METTL15: variants seen among roughly 807,000 people sequenced by gnomAD.
METTL15 encodes methyltransferase 15, mitochondrial 12S rRNA N4-cytidine, also known as 12S rRNA N(4)-cytidine methyltransferase METTL15.
Under a neutral mutation model 38.3 loss-of-function variants are expected in METTL15, and 34 were observed. The observed-to-expected ratio is 0.89, with a 90% CI of 0.68 to 1.18. The LOEUF (loss-of-function observed/expected upper bound fraction) is 1.18, where lower values mean the gene tolerates loss of function less well. Among genes scored for constraint, METTL15 ranks in the 50% most tolerant of loss-of-function variants. The probability of loss-of-function intolerance (pLI) is 0.00; values close to 1 mark genes in which losing one functional copy is unlikely to be tolerated. For missense variants in METTL15, 438 were observed against 498.4 expected (o/e 0.88, Z 1.15); for synonymous variants, 162 against 170.9 (o/e 0.95, Z 0.41).
At chr11:28,223,060 T>G (rs1190184627) in intron 4 of METTL15, among the ~76,000 whole-genome samples, 1 of 152,132 alleles carries the variant, frequency 6.6e-6, no homozygotes, top group Admixed American at 6.6e-5. Context: ...CTATTTTGGG[T>G]GGACATCTTT....
intron 3 of METTL15, among the ~76,000 whole-genome samples, chr11:28,174,513 T>G (rs1009821480): frequency 5.9e-5 from 9 of 152,160 alleles, no homozygotes; most frequent in African/African-American, 1.9e-4. Flanking sequence ...CAGACATATT[T>G]TTTTAAGATC....
intron 3 of METTL15, among the ~76,000 whole-genome samples, chr11:28,169,801 A>C (rs547494733): frequency 1.4e-5 from 2 of 140,712 alleles, no homozygotes; most frequent in Non-Finnish European, 3.1e-5. Flanking sequence ...TCAAAACCTA[A>C]TGCAAACTCC....
chr11:28,123,734 A>T lies in METTL15; in HGVS notation c.270+10130A>T, dbSNP rs115515571. On this transcript the variant is annotated intron_variant, in intron 3 of 6. Transcript: ENST00000407364. ...TGTCATTTTATCAAATTACATGCTA[A>T]TTTAGGCATATATTTTTTATCTTTG... 5.1e-3 allele frequency: 2,685 copies of T among 522,586 alleles called. 67 individuals carry two copies. Among genetic ancestry groups the T allele is most frequent in the African/African-American group, 0.046 (2,332 of 50,856 alleles). The allele number at this position is 522,586 out of a possible 1,614,324, so 32.4% of individuals were successfully genotyped here.
chr11:28,162,471 A>G (rs2133745212), intron 3 of METTL15, among the ~76,000 whole-genome samples: 1 of 152,274 alleles, frequency 6.6e-6, no homozygotes, highest in East Asian at 1.9e-4. Context: ...ATGTGTTTTC[A>G]TGAGACTTTC....
intron 6 of METTL15, among the ~76,000 whole-genome samples, chr11:28,510,278 G>A (rs755801103): frequency 2.5e-4 from 38 of 152,154 alleles, no homozygotes; most frequent in Non-Finnish European, 4.9e-4. Context: ...CACAGTACTA[G>A]ATACCATAAA....
chr11:28,366,837 C>T (rs973958201), intron 5 of METTL15, among the ~76,000 whole-genome samples: 2 of 152,110 alleles, frequency 1.3e-5, no homozygotes, highest in African/African-American at 2.4e-5. Flanking sequence ...CATCATTCCT[C>T]CCCAGAGACC....
At chr11:28,488,565 A>T (rs1175027619) in intron 6 of METTL15, among the ~76,000 whole-genome samples, 1 of 152,172 alleles carries the variant, frequency 6.6e-6, no homozygotes, top group African/African-American at 2.4e-5. Flanking sequence ...TACATTGCTT[A>T]TCCTAGTGAA....
chr11:28,516,947 A>C (rs1190056675), intron 6 of METTL15: 1 of 152,260 alleles, frequency 6.6e-6, no homozygotes, highest in Non-Finnish European at 1.5e-5. Context: ...AAATATTAGA[A>C]CTTGAAGCTG....
At chr11:28,369,325 G>C (rs1440536641) in intron 5 of METTL15, among the ~76,000 whole-genome samples, 1 of 151,990 alleles carries the variant, frequency 6.6e-6, no homozygotes. Flanking sequence ...AAGTGGACCA[G>C]TATTGCATTA....
chr11:28,355,762 G>A (rs546899161), intron 4 of METTL15, among the ~76,000 whole-genome samples: 21 of 152,026 alleles, frequency 1.4e-4, no homozygotes, highest in Non-Finnish European at 2.4e-4. Context: ...CCAGGGGAGG[G>A]GGTGGTGGTA....
chr11:28,328,110 A>G (rs371760935), intron 6 of METTL15: 4 of 1,611,666 alleles, frequency 2.5e-6, no homozygotes, highest in Admixed American at 1.7e-5. Context: ...TCTGAAACAT[A>G]TTTCCCAGTG....
intron 5 of METTL15, among the ~76,000 whole-genome samples, chr11:28,391,560 A>T (rs1367787353): frequency 6.6e-6 from 1 of 152,152 alleles, no homozygotes; most frequent in African/African-American, 2.4e-5. Context: ...CCTGACTTCA[A>T]ATTGTACTAC....
chr11:28,367,233 GT>G (rs1347780834), intron 5 of METTL15, among the ~76,000 whole-genome samples: 1 of 150,152 alleles, frequency 6.7e-6, no homozygotes, highest in East Asian at 1.9e-4. Flanking sequence ...TAGGCAGCTT[GT>G]TGCTACATCT....
At chr11:28,353,686 G>A (rs1850061532) in intron 4 of METTL15, among the ~76,000 whole-genome samples, 1 of 152,076 alleles carries the variant, frequency 6.6e-6, no homozygotes, top group Non-Finnish European at 1.5e-5. Context: ...AGCACTTTGG[G>A]AGGCCGAGGC....
At chr11:28,217,132 G>A (rs1000786501) in intron 4 of METTL15, among the ~76,000 whole-genome samples, 7 of 152,082 alleles carry the variant, frequency 4.6e-5, no homozygotes, top group Admixed American at 2.0e-4. Context: ...CTGAGGAATC[G>A]CCACACTGAC....
chr11:28,309,312 C>T (rs1857192625), intron 6 of METTL15, among the ~76,000 whole-genome samples: 1 of 152,148 alleles, frequency 6.6e-6, no homozygotes, highest in East Asian at 1.9e-4. Context: ...TGTTGACTGA[C>T]AAACCTCCTC....
At chr11:28,462,760 A>C (rs1400281100) in intron 6 of METTL15, among the ~76,000 whole-genome samples, 1 of 152,056 alleles carries the variant, frequency 6.6e-6, no homozygotes, top group African/African-American at 2.4e-5. Flanking sequence ...AGAGACTCCT[A>C]TCAAGCTGTA....
chr11:28,173,743 G>C (rs1467768399), intron 3 of METTL15, among the ~76,000 whole-genome samples: 2 of 152,022 alleles, frequency 1.3e-5, no homozygotes, highest in African/African-American at 4.8e-5. Context: ...TAGTTGTCAT[G>C]TCCCTTTAGC....
At chr11:28,423,251 G>A (rs1716646247) in intron 5 of METTL15, among the ~76,000 whole-genome samples, 1 of 152,024 alleles carries the variant, frequency 6.6e-6, no homozygotes, top group African/African-American at 2.4e-5. Context: ...TTGTTGAAAT[G>A]TAAATTAGTA....
Sources: gnomAD v4.1 joint callset for allele counts (sites outside exome capture counted in the v4.1 genomes callset) on GRCh38, gnomAD v4.1.1 for gene constraint, MANE v1.5 for transcripts, NCBI Gene and HGNC (gene_info 2026-07-23, HGNC 2026-07-21) for gene names.